Variants in PTPRG observed in about 807,000 individuals in gnomAD.
PTPRG encodes receptor-type tyrosine-protein phosphatase gamma.
In PTPRG, 102 loss-of-function variants were observed where a neutral mutation model predicts 165.3. The ratio of observed to expected loss-of-function variants is 0.62; its 90% CI spans 0.53 to 0.73. The LOEUF is 0.73. PTPRG is among the 30% of genes least tolerant of loss of function. PTPRG has a pLI of 0.00. For synonymous variants in PTPRG, 675 were observed against 669.5 expected (o/e 1.01, Z -0.13); for missense variants, 1,866 against 1,861.4 (o/e 1.00, Z -0.05).
chr3:61,956,929 G>A (rs2040046599), intron 2 of PTPRG, among the ~76,000 whole-genome samples: 1 of 152,056 alleles, frequency 6.6e-6, no homozygotes, highest in Non-Finnish European at 1.5e-5. Context: ...CCCTGTCTCT[G>A]TGCTTTGCCT....
intron 6 of PTPRG, among the ~76,000 whole-genome samples, chr3:62,145,534 G>A (rs1050020112): frequency 6.7e-6 from 1 of 148,774 alleles, no homozygotes; most frequent in African/African-American, 2.6e-5. Context: ...AAAATGAAAT[G>A]ATGAAGATGA....
At chr3:62,055,334 C>G (rs149015743) in intron 4 of PTPRG, among the ~76,000 whole-genome samples, 1 of 152,288 alleles carries the variant, frequency 6.6e-6, no homozygotes, top group East Asian at 1.9e-4. Flanking sequence ...AGAAATATCG[C>G]TAATAAGGCT....
intron 2 of PTPRG, among the ~76,000 whole-genome samples, chr3:61,856,017 T>C (rs923183332): frequency 6.6e-6 from 1 of 152,156 alleles, no homozygotes; most frequent in Non-Finnish European, 1.5e-5. Flanking sequence ...CTTCCTCCCA[T>C]CATGTTTTCC....
At chr3:62,069,070 G>C (rs531602620) in intron 4 of PTPRG, among the ~76,000 whole-genome samples, 83 of 152,292 alleles carry the variant, frequency 5.5e-4, no homozygotes, top group Non-Finnish European at 9.0e-4. Context: ...TGACTTCTTG[G>C]GATGTTGGCT....
intron 2 of PTPRG, among the ~76,000 whole-genome samples, chr3:61,880,023 C>T (rs1379760322): frequency 6.6e-6 from 1 of 152,312 alleles, no homozygotes; most frequent in East Asian, 1.9e-4. Context: ...GTTCCTTTGA[C>T]AGGTCCCTTT....
intron 2 of PTPRG, among the ~76,000 whole-genome samples, chr3:61,958,876 G>A (rs1167783406): frequency 6.6e-6 from 1 of 152,122 alleles, no homozygotes; most frequent in Non-Finnish European, 1.5e-5. Flanking sequence ...CTTACTTTAG[G>A]CAAAGGCAGG....
Position 62,281,587 on chromosome 3 carries a change from C to T in PTPRG, c.3790C>T (p.Pro1264Ser), listed in dbSNP as rs1248721171. Residue 1264 changes from proline (P) to serine (S), a missense_variant, in exon 27 of 30, where the codon CCA becomes TCA. By Grantham distance (74) the Pro-to-Ser change is moderately conservative (BLOSUM62 -1). Transcript: ENST00000474889. ...SLAEDEFVYWPSREESMNCEA... is the reference protein window; with the variant it reads ...SLAEDEFVYWSSREESMNCEA... The stretch of plus-strand genomic sequence containing the variant: ...GGCAGAAGATGAGTTTGTGTACTGG[C>T]CAAGTCGAGAAGAATCCATGAACTG... 4 of 1,373,390 alleles carry T rather than the reference C, an allele frequency of 2.9e-6. No homozygotes were observed. Among genetic ancestry groups the T allele is most frequent in the East Asian group, 4.0e-5 (1 of 24,744 alleles). The allele number at this position is 1,373,390 out of a possible 1,614,324, so 85.1% of individuals were successfully genotyped here.
chr3:61,657,555 G>A (rs891949032), intron 1 of PTPRG, among the ~76,000 whole-genome samples: 22 of 152,174 alleles, frequency 1.4e-4, no homozygotes, highest in African/African-American at 5.1e-4. Context: ...GGGAGGATCA[G>A]TTGAACCCAG....
intron 1 of PTPRG, among the ~76,000 whole-genome samples, chr3:61,617,182 T>C (rs1701321322): frequency 6.6e-6 from 1 of 152,194 alleles, no homozygotes; most frequent in African/African-American, 2.4e-5. Context: ...TTACACTGTG[T>C]GGGAGGAACT....
intron 2 of PTPRG, among the ~76,000 whole-genome samples, chr3:61,810,275 G>T (rs966286661): frequency 3.3e-5 from 5 of 152,208 alleles, no homozygotes; most frequent in East Asian, 1.9e-4. Context: ...AGTTTAGGGT[G>T]CAGGTAGGAT....
At chr3:61,837,498 G>T (rs756042547) in intron 2 of PTPRG, among the ~76,000 whole-genome samples, 1 of 152,210 alleles carries the variant, frequency 6.6e-6, no homozygotes. Context: ...CGGCATGCAG[G>T]GGGTACTAGA....
chr3:62,294,543 G>T lies in PTPRG; in HGVS notation c.*1236G>T, dbSNP rs1703001273. The T allele has an allele frequency of 6.6e-6, 1 of 151,908 alleles. No homozygotes were observed. The highest frequency in any genetic ancestry group is 1.9e-4 in the East Asian group (1 of 5,188). 9.4% of individuals were successfully genotyped at this position (151,908 alleles called of 1,614,324 possible). ...GTATGCTTTTGTGTAGTTTAGAACA[G>T]ATACACATTAGTAAAAGATACCAAT... On this transcript the variant is annotated 3_prime_UTR_variant, in exon 30 of 30. Coordinates refer to ENST00000474889, the MANE Select transcript of PTPRG (RefSeq NM_002841.4).
chr3:61,630,523 C>G (rs56165074), intron 1 of PTPRG, among the ~76,000 whole-genome samples: 22,789 of 150,702 alleles, frequency 0.15, 2,200 homozygotes, highest in African/African-American at 0.27. Flanking sequence ...CCTCTCTGAT[C>G]AGGGAAAAGA....
chr3:62,268,853 C>T (rs1278421704), intron 19 of PTPRG, among the ~76,000 whole-genome samples, 182 bp from the exon 20 acceptor site: 1 of 152,192 alleles, frequency 6.6e-6, no homozygotes, highest in East Asian at 1.9e-4. Flanking sequence ...ACAAACTTAT[C>T]CCAAGCCATC....
chr3:61,746,627 A>G (rs1431154590), intron 1 of PTPRG, among the ~76,000 whole-genome samples: 1 of 152,064 alleles, frequency 6.6e-6, no homozygotes, highest in Non-Finnish European at 1.5e-5. Context: ...TTCAGGAAGG[A>G]AGAAGAATCT....
chr3:62,046,260 A>AAT (rs200580317), intron 4 of PTPRG, among the ~76,000 whole-genome samples: 11,128 of 115,466 alleles, frequency 0.096, 537 homozygotes, highest in Admixed American at 0.15. Context: ...TTTCCCCCAG[A>AAT]GCGTATCCTT....
intron 4 of PTPRG, among the ~76,000 whole-genome samples, chr3:62,035,322 A>G (rs56082435): frequency 0.081 from 12,382 of 152,268 alleles, 540 homozygotes; most frequent in African/African-American, 0.1. Flanking sequence ...GTAAAAGCCA[A>G]TCAGAAAGGT....
At chr3:61,573,365 A>G (rs1700102947) in intron 1 of PTPRG, among the ~76,000 whole-genome samples, 1 of 152,134 alleles carries the variant, frequency 6.6e-6, no homozygotes, top group African/African-American at 2.4e-5. Flanking sequence ...TTTTTACACA[A>G]TATTGCTGCC....
chr3:62,024,172 A>G (rs1300294476), intron 4 of PTPRG, among the ~76,000 whole-genome samples: 1 of 152,116 alleles, frequency 6.6e-6, no homozygotes, highest in Admixed American at 6.5e-5. Flanking sequence ...ACATTATGGA[A>G]TGTCTAAATC....
Sources: allele counts gnomAD v4.1 joint callset (sites outside exome capture counted in the v4.1 genomes callset), GRCh38; gene constraint gnomAD v4.1.1; transcripts MANE v1.5; gene names NCBI Gene and HGNC (gene_info 2026-07-23, HGNC 2026-07-21).